Variants in ABCC6 observed in about 807,000 individuals in gnomAD.
ABCC6 encodes ATP-binding cassette sub-family C member 6.
In ABCC6, 126 loss-of-function variants were observed where a neutral mutation model predicts 169.5. That is an observed-to-expected ratio of 0.74 (90% confidence interval 0.64 to 0.86). The LOEUF is 0.86. ABCC6 is among the 40% of genes least tolerant of loss of function. ABCC6 has a pLI of 0.00. For synonymous variants in ABCC6, 752 were observed against 814.7 expected, an observed-to-expected ratio of 0.92 and a Z score of 1.31; for missense variants, 1,733 against 1,927.2, an observed-to-expected ratio of 0.90 and a Z score of 1.89.
At chr16:16,178,326 CA>C (rs35724767) in intron 18 of ABCC6, among the ~76,000 whole-genome samples, 13 of 146,144 alleles carry the variant, frequency 8.9e-5, no homozygotes, top group Admixed American at 2.1e-4. Flanking sequence ...GACTCCATCT[CA>C]AAAAAAAAAG....
Position 16,182,958 on chromosome 16 carries a change from CTTGG to C in ABCC6, c.1944-32_1944-29del, listed in dbSNP as rs763854639. 1.9e-5 allele frequency: 30 copies of C among 1,614,024 alleles called. No homozygotes were observed. In the Admixed American group the frequency reaches 4.7e-4, roughly 25 times the overall value. On this transcript the variant is annotated intron_variant, in intron 15 of 30. Coordinates refer to ENST00000205557, the MANE Select transcript of ABCC6 (RefSeq NM_001171.6). The stretch of plus-strand genomic sequence containing the variant: ...GGACACGCAAGAGGGGAGACATGAC[CTTGG>C]TTAGGGTTCAGCCCGCCTCTGTGAG...
At chr16:16,184,174 G>A (rs115095230) in intron 15 of ABCC6, 2,875 of 158,606 alleles carry the variant, frequency 0.018, 45 homozygotes, top group Middle Eastern at 0.035. Flanking sequence ...ACTCCAGCCC[G>A]CGTGATAGAG....
At chr16:16,190,016 G>A (rs2047792665) in intron 12 of ABCC6, 148 bp downstream of exon 12, 1 of 801,086 alleles carries the variant, frequency 1.2e-6, no homozygotes, top group African/African-American at 1.7e-5. Flanking sequence ...GTAGAAGACA[G>A]CAGGGACCCA....
rs757506868 is a variant in ABCC6, at chr16:16,190,263, G to C, written c.1536C>G (p.Asp512Glu). The C allele has an allele frequency of 1.2e-6, 2 of 1,614,136 alleles. No homozygotes were observed. Among genetic ancestry groups the C allele is most frequent in the East Asian group, 4.5e-5 (2 of 44,880 alleles). ...CCTGGCCTCGGATGCCCAGGACTCT[G>C]TCCAGAAAGGCTCCCTCCCAGCCAT... ...KFHGWEGAFL[D>E]RVLGIRGQEL... Residue 512 changes from aspartate to glutamate, a missense_variant, in exon 12 of 31, where the codon GAC becomes GAG. By Grantham distance (45) the Asp-to-Glu change is conservative. Coordinates refer to ENST00000205557, the MANE Select transcript of ABCC6 (RefSeq NM_001171.6).
chr16:16,219,680 G>T lies in ABCC6; in HGVS notation c.348C>A (p.Ser116Arg). The T allele has an allele frequency of 1.4e-6, 2 of 1,464,248 alleles. No homozygotes were observed. Among genetic ancestry groups the T allele is most frequent in the South Asian group, 2.4e-5 (2 of 82,038 alleles). 90.7% of individuals were successfully genotyped at this position (1,464,248 alleles called of 1,614,324 possible). ...IHPTVWLTTM[S>R]FAVFLIHTER... is the part of the protein sequence containing the mutation. Reference sequence around the variant, plus strand: ...CGGTGTGAATCAGGAACACTGCGAAGCTCTGGACGGGAAAGTCAGGGAGGC... The same window carrying T: ...CGGTGTGAATCAGGAACACTGCGAATCTCTGGACGGGAAAGTCAGGGAGGC... The change falls in exon 4 of 31, where the codon AGC (serine) becomes AGA (arginine). Residue 116 changes from serine to arginine, a missense_variant and splice_region_variant. Ser to Arg is a moderately radical substitution (Grantham distance 110, BLOSUM62 -1). This residue lies in a region of ABCC6 where 17 missense variants were observed against 108.1 expected (regional missense o/e 0.16). Transcript: ENST00000205557.
Position 16,181,149 on chromosome 16 carries a change from CA to C in ABCC6, c.2247+1262del, listed in dbSNP as rs949465374. Among the ~76,000 whole-genome samples the C allele has an allele frequency of 4.0e-5, 6 of 149,928 alleles. No homozygotes were observed. In the South Asian group the frequency reaches 6.4e-4, roughly 16 times the overall value. ...TGAAACCCCATCTCTACTAAAAGTACAAAAAAAAATTAGCCAGTTGTGGTGG... is the reference window on the plus strand; with the variant it reads ...TGAAACCCCATCTCTACTAAAAGTACAAAAAAAATTAGCCAGTTGTGGTGG... On this transcript the variant is annotated intron_variant, in intron 17 of 30. Transcript: ENST00000205557.
At chr16:16,188,345 T>C (rs1371000210) in intron 13 of ABCC6, among the ~76,000 whole-genome samples, 2 of 151,866 alleles carry the variant, frequency 1.3e-5, no homozygotes, top group Non-Finnish European at 2.9e-5. Context: ...TGAGCCGAGA[T>C]TGCACCACTG....
chr16:16,189,284 G>A (rs2047760691), intron 12 of ABCC6, among the ~76,000 whole-genome samples: 1 of 152,228 alleles, frequency 6.6e-6, no homozygotes, highest in Admixed American at 6.5e-5. Flanking sequence ...GGGGACAGCA[G>A]AGTTTTTGAT....
At chr16:16,175,775 A>G (rs1225917988) in intron 20 of ABCC6, 136 bp downstream of exon 20, 1 of 879,982 alleles carries the variant, frequency 1.1e-6, no homozygotes, top group African/African-American at 2.6e-5. Context: ...GCAGGGCACC[A>G]TGGGGGGGAC....
intron 21 of ABCC6, among the ~76,000 whole-genome samples, chr16:16,170,938 AAAAGAAAGAAAG>A (rs1305085072): frequency 2.6e-5 from 3 of 116,214 alleles, no homozygotes; most frequent in East Asian, 2.8e-4. Flanking sequence ...AAAAAAAAAA[AAAAGAAAGAAAG>A]AAAGAAAGAA....
At chr16:16,197,927 G>T in intron 10 of ABCC6, 94 bp downstream of exon 10, 2 of 1,400,410 alleles carry the variant, frequency 1.4e-6, no homozygotes, top group Non-Finnish European at 2.0e-6. Context: ...TGAATGCTAA[G>T]TCAGGAGGAG....
At chr16:16,151,864 C>G (rs951238281) in intron 29 of ABCC6, among the ~76,000 whole-genome samples, 1 of 152,032 alleles carries the variant, frequency 6.6e-6, no homozygotes, top group East Asian at 1.9e-4. Context: ...CCTAATGGAT[C>G]CGTCCTCGCT....
intron 4 of ABCC6, among the ~76,000 whole-genome samples, chr16:16,217,867 G>T (rs1351247384): frequency 5.3e-5 from 8 of 152,178 alleles, no homozygotes; most frequent in Admixed American, 4.6e-4. Context: ...AGGCGGGTGA[G>T]TCACTTGAGG....
Position 16,219,674 on chromosome 16 carries a change from T to G in ABCC6, c.354A>C (p.Ala118=). 6.8e-7 allele frequency: 1 copy of G among 1,479,542 alleles called. No individual in the cohort carries two copies. The highest frequency in any genetic ancestry group is 1.2e-5 in the South Asian group (1 of 82,348). The allele number at this position is 1,479,542 out of a possible 1,614,324, so 91.7% of individuals were successfully genotyped here. The change falls in exon 4 of 31, where the codon GCA becomes GCC. Residue 118 remains alanine, a synonymous_variant. Coordinates refer to ENST00000205557, the MANE Select transcript of ABCC6 (RefSeq NM_001171.6). ...TCCTCTCGGTGTGAATCAGGAACACTGCGAAGCTCTGGACGGGAAAGTCAG... is the reference window on the plus strand; with the variant it reads ...TCCTCTCGGTGTGAATCAGGAACACGGCGAAGCTCTGGACGGGAAAGTCAG... The part of the protein sequence containing the change: ...PTVWLTTMSF[A]VFLIHTERKK...
chr16:16,222,394 G>A (rs549988112), intron 1 of ABCC6, among the ~76,000 whole-genome samples: 6 of 152,038 alleles, frequency 3.9e-5, no homozygotes, highest in Non-Finnish European at 7.4e-5. Flanking sequence ...ATTAATTTAT[G>A]TTTTAGAGAC....
chr16:16,159,228 C>T (rs1292122492), intron 26 of ABCC6, among the ~76,000 whole-genome samples: 1 of 152,096 alleles, frequency 6.6e-6, no homozygotes, highest in East Asian at 1.9e-4. Context: ...CCTTGTGGTT[C>T]CCTGCACTCC....
chr16:16,153,431 C>T (rs1239725830), intron 29 of ABCC6, among the ~76,000 whole-genome samples: 1 of 152,082 alleles, frequency 6.6e-6, no homozygotes, highest in Non-Finnish European at 1.5e-5. Context: ...GTGAAATAAG[C>T]CAGTCACAAA....
chr16:16,211,552 G>A (rs1596745932), intron 6 of ABCC6, among the ~76,000 whole-genome samples: 1 of 152,352 alleles, frequency 6.6e-6, no homozygotes, highest in South Asian at 2.1e-4. Context: ...CTGAGGCACA[G>A]AGAGGTTAAG....
chr16:16,189,111 A>G (rs2047754979), intron 12 of ABCC6, 137 bp from the exon 13 acceptor site: 3 of 995,486 alleles, frequency 3.0e-6, no homozygotes, highest in Non-Finnish European at 4.6e-6. Flanking sequence ...CGTAGATCCC[A>G]CTCCCAGTCC....
Sources: allele counts gnomAD v4.1 joint callset (sites outside exome capture counted in the v4.1 genomes callset), GRCh38; gene constraint gnomAD v4.1.1; regional missense constraint gnomAD v4.1.1; transcripts MANE v1.5; gene names NCBI Gene and HGNC (gene_info 2026-07-23, HGNC 2026-07-21).